The following DENND5A variants were observed in gnomAD, a reference collection of about 807,000 sequenced individuals.
DENND5A encodes the protein DENN domain-containing protein 5A.
In DENND5A, 64 loss-of-function variants were observed where a neutral mutation model predicts 140.3. That is an observed-to-expected ratio of 0.46 (90% CI 0.37 to 0.56). The LOEUF is 0.56. DENND5A is among the 20% of genes least tolerant of loss of function. The pLI, the probability that DENND5A is intolerant of heterozygous loss-of-function variation, is 0.00. For synonymous variants in DENND5A, 605 were observed against 607.7 expected (o/e 1.00, Z 0.07); for missense variants, 1,292 against 1,593.8 (o/e 0.81, Z 3.22).
At chr11:9,150,332 A>C in intron 14 of DENND5A, 123 bp from the exon 15 acceptor site, 1 of 1,208,808 alleles carries the variant, frequency 8.3e-7, no homozygotes, top group Non-Finnish European at 1.2e-6. Flanking sequence ...GGGAGAGCCT[A>C]TCTCTATATT....
chr11:9,153,391 C>T (rs1340808546), intron 12 of DENND5A, among the ~76,000 whole-genome samples: 1 of 149,204 alleles, frequency 6.7e-6, no homozygotes, highest in Non-Finnish European at 1.5e-5. Flanking sequence ...ACCTATCATC[C>T]TCTAAATGGT....
intron 1 of DENND5A, among the ~76,000 whole-genome samples, chr11:9,259,380 C>T (rs1852091136): frequency 1.3e-5 from 2 of 149,966 alleles, no homozygotes; most frequent in Non-Finnish European, 3.0e-5. Flanking sequence ...AACACGGTGA[C>T]ACCCCATCTC....
chr11:9,139,377 G>A lies in DENND5A; in HGVS notation c.*294C>T. 2.5e-6 allele frequency: 1 copy of A among 400,094 alleles called. No homozygotes were observed. Among genetic ancestry groups the A allele is most frequent in the Non-Finnish European group, 4.6e-6 (1 of 216,756 alleles). 24.8% of individuals were successfully genotyped at this position (400,094 alleles called of 1,614,324 possible). Reference sequence around the variant, plus strand: ...CAGTGCCACAGGCTCAGTCCAGGGAGGCCTCAGGCTTCCAGCATGTGGCCA... The same window carrying A: ...CAGTGCCACAGGCTCAGTCCAGGGAAGCCTCAGGCTTCCAGCATGTGGCCA... On this transcript the variant is annotated 3_prime_UTR_variant, in exon 23 of 23. Coordinates refer to ENST00000328194, the MANE Select transcript of DENND5A (RefSeq NM_015213.4).
intron 12 of DENND5A, among the ~76,000 whole-genome samples, chr11:9,154,822 GA>G (rs1051387794): frequency 6.7e-6 from 1 of 148,648 alleles, no homozygotes; most frequent in African/African-American, 2.5e-5. Flanking sequence ...GAGCCAAAAA[GA>G]AAAAAAAATT....
At chr11:9,238,657 G>A (rs1333315392) in intron 1 of DENND5A, among the ~76,000 whole-genome samples, 3 of 151,698 alleles carry the variant, frequency 2.0e-5, no homozygotes, top group Middle Eastern at 3.4e-3. Context: ...CTTGTGATCC[G>A]CCCGCCTCGG....
chr11:9,201,497 C>T (rs1849522631), intron 4 of DENND5A, among the ~76,000 whole-genome samples: 1 of 151,860 alleles, frequency 6.6e-6, no homozygotes, highest in Non-Finnish European at 1.5e-5. Flanking sequence ...GTAGCAAGAC[C>T]CCATGTCTAC....
chr11:9,201,435 G>C (rs1388789123), intron 4 of DENND5A, among the ~76,000 whole-genome samples: 4 of 151,504 alleles, frequency 2.6e-5, no homozygotes, highest in African/African-American at 4.9e-5. Context: ...CCAGCACTTT[G>C]GGAAACCAGG....
intron 1 of DENND5A, among the ~76,000 whole-genome samples, chr11:9,243,454 T>C (rs1851330108): frequency 6.6e-6 from 1 of 152,184 alleles, no homozygotes; most frequent in East Asian, 1.9e-4. Flanking sequence ...GGTACACTTA[T>C]ACATAGATTT....
chr11:9,160,703 C>CGT lies in DENND5A; in HGVS notation c.2436+9_2436+10insAC. On this transcript the variant is annotated intron_variant, in intron 12 of 22. Coordinates refer to ENST00000328194, the MANE Select transcript of DENND5A (RefSeq NM_015213.4). ...ATTTGCTCAGCAATGAGAGGCAAGA[C>CGT]ATACATTACCTGTTTCACTTGTAGT... is the stretch of plus-strand genomic sequence containing the variant. The CGT allele has an allele frequency of 1.2e-6, 2 of 1,604,170 alleles. No individual in the cohort carries two copies. The highest frequency in any genetic ancestry group is 1.7e-6 in the Non-Finnish European group (2 of 1,172,464).
At chr11:9,208,150 T>C (rs1259249226) in intron 1 of DENND5A, among the ~76,000 whole-genome samples, 1 of 152,208 alleles carries the variant, frequency 6.6e-6, no homozygotes, top group Non-Finnish European at 1.5e-5. Context: ...GACTTAGATA[T>C]TGTGAGGAAT....
At chr11:9,179,206 A>C in intron 6 of DENND5A, 133 bp from the exon 7 acceptor site, 1 of 744,790 alleles carries the variant, frequency 1.3e-6, no homozygotes, top group East Asian at 2.7e-5. Context: ...TGAGAACAAA[A>C]GAGGAAAAAC....
intron 10 of DENND5A, 72 bp downstream of exon 10, chr11:9,169,784 C>T: frequency 1.0e-6 from 1 of 990,186 alleles, no homozygotes; most frequent in Non-Finnish European, 1.6e-6. Flanking sequence ...GACCAGAGAA[C>T]AGGAAATGAG....
chr11:9,213,376 T>C (rs1849954635), intron 1 of DENND5A, among the ~76,000 whole-genome samples: 1 of 151,982 alleles, frequency 6.6e-6, no homozygotes, highest in South Asian at 2.1e-4. Flanking sequence ...CTATTATTTC[T>C]TACAATTGCA....
chr11:9,146,277 G>A (rs1847428711), intron 16 of DENND5A, among the ~76,000 whole-genome samples: 1 of 152,096 alleles, frequency 6.6e-6, no homozygotes, highest in Non-Finnish European at 1.5e-5. Flanking sequence ...CCAGTCCAGG[G>A]CTACTTCTAT....
At chr11:9,185,011 C>T (rs909813458) in intron 5 of DENND5A, among the ~76,000 whole-genome samples, 6 of 151,978 alleles carry the variant, frequency 3.9e-5, no homozygotes, top group African/African-American at 1.5e-4. Flanking sequence ...ACCAACATGG[C>T]GAAACCTCAT....
intron 11 of DENND5A, among the ~76,000 whole-genome samples, chr11:9,162,120 T>C (rs193237222): frequency 4.7e-5 from 7 of 149,272 alleles, no homozygotes; most frequent in Admixed American, 4.0e-4. Flanking sequence ...AAGCAACAAC[T>C]CTTAATATTT....
At chr11:9,145,555 G>C in intron 17 of DENND5A, 115 bp downstream of exon 17, 1 of 1,155,734 alleles carries the variant, frequency 8.7e-7, no homozygotes. Context: ...GGTCAGCTAT[G>C]CTGAAGCATT....
intron 5 of DENND5A, among the ~76,000 whole-genome samples, chr11:9,191,981 T>C (rs1252864648): frequency 1.3e-5 from 2 of 152,178 alleles, no homozygotes; most frequent in African/African-American, 4.8e-5. Flanking sequence ...AAAACCCCAA[T>C]ATTATCTCAA....
At chr11:9,218,697 A>C (rs1440630540) in intron 1 of DENND5A, among the ~76,000 whole-genome samples, 1 of 151,632 alleles carries the variant, frequency 6.6e-6, no homozygotes, top group African/African-American at 2.4e-5. Context: ...TGACAGAGTG[A>C]AACTTTGTCT....
Sources: gnomAD v4.1 joint callset for allele counts (sites outside exome capture counted in the v4.1 genomes callset) on GRCh38, gnomAD v4.1.1 for gene constraint, MANE v1.5 for transcripts, NCBI Gene and HGNC (gene_info 2026-07-23, HGNC 2026-07-21) for gene names.